Variants in ALG12 observed in about 807,000 individuals in gnomAD.
The protein encoded by ALG12 is dol-P-Man:Man(7)GlcNAc(2)-PP-Dol alpha-1,6-mannosyltransferase.
In ALG12, 36 loss-of-function variants were observed where a neutral mutation model predicts 46.0. The ratio of observed to expected loss-of-function variants is 0.78; its 90% CI spans 0.60 to 1.03. The LOEUF is 1.03. Ranked by LOEUF, ALG12 falls within the 50% of genes least tolerant of loss-of-function variation. The probability of loss-of-function intolerance (pLI) is 0.00; values close to 1 mark genes in which losing one functional copy is unlikely to be tolerated. For synonymous variants in ALG12, 326 were observed against 291.6 expected (o/e 1.12, Z -1.20); for missense variants, 599 against 633.5 (o/e 0.95, Z 0.58).
chr22:49,866,892 G>A, the ALG12 span, among the ~76,000 whole-genome samples: 2 of 152,150 alleles, frequency 1.3e-5, no homozygotes, highest in Non-Finnish European at 2.9e-5. Flanking sequence ...GGTGGCTCTC[G>A]GCAAATGCAC....
At chr22:49,878,087 C>T in the ALG12 span, among the ~76,000 whole-genome samples, 1 of 152,086 alleles carries the variant, frequency 6.6e-6, no homozygotes, top group South Asian at 2.1e-4. Context: ...GGCGGATCAC[C>T]TGAGGTCAGG....
In ALG12 at chr22:49,901,314, A is replaced by C. The variant is rs2060503907; in HGVS notation, c.*2524T>G. 6.6e-6 allele frequency: 1 copy of C among 152,256 alleles called. No homozygotes were observed. The highest frequency in any genetic ancestry group is 1.5e-5 in the Non-Finnish European group (1 of 68,052). The allele number at this position is 152,256 out of a possible 1,614,324, so 9.4% of individuals were successfully genotyped here. On this transcript the variant is annotated 3_prime_UTR_variant, in exon 10 of 10. Coordinates refer to ENST00000330817, the MANE Select transcript of ALG12 (RefSeq NM_024105.4). ...CCATCTGGCCTCTGTGGGAGTCAGGAAGTGTCTGCACAGATGTTCGCCAGA... is the reference window on the plus strand; with the variant it reads ...CCATCTGGCCTCTGTGGGAGTCAGGCAGTGTCTGCACAGATGTTCGCCAGA...
rs767048501 is a variant in ALG12, at chr22:49,909,282, A to G, written c.730T>C (p.Trp244Arg). The part of the protein sequence containing the change: ...QLTWPEGKVL[W>R]YNTVLNKSSN... ...CTTTTGTTCAGGACAGTGTTGTACC[A>G]AAGCACCTTTCCTTCCGGCCAAGTG... Residue 244 changes from tryptophan (W) to arginine (R), a missense_variant, in exon 6 of 10, where the codon TGG (tryptophan) becomes CGG (arginine). Physicochemically the swap from Trp to Arg is moderately radical, Grantham distance 101. Coordinates refer to ENST00000330817, the MANE Select transcript of ALG12 (RefSeq NM_024105.4). 1 of 1,614,246 alleles carries G rather than the reference A, an allele frequency of 6.2e-7. No individual in the cohort carries two copies. Among genetic ancestry groups the G allele is most frequent in the Non-Finnish European group, 8.5e-7 (1 of 1,180,040 alleles).
chr22:49,871,754 T>TTTA, the ALG12 span, among the ~76,000 whole-genome samples: 2 of 45,398 alleles, frequency 4.4e-5, no homozygotes, highest in Non-Finnish European at 1.3e-4. Context: ...TATTTATTTA[T>TTTA]TTATTTTTTT....
the ALG12 span, among the ~76,000 whole-genome samples, chr22:49,880,154 G>A: frequency 6.6e-6 from 1 of 152,052 alleles, no homozygotes; most frequent in South Asian, 2.1e-4. Flanking sequence ...TGTTCGGGTG[G>A]CTCCTAACAC....
the ALG12 span, among the ~76,000 whole-genome samples, chr22:49,871,223 T>C: frequency 2.6e-5 from 3 of 117,430 alleles, no homozygotes; most frequent in Non-Finnish European, 5.4e-5. Context: ...AATTCTCTTT[T>C]AAAAGTTAAT....
At chr22:49,909,444 C>T (rs749096404) in intron 5 of ALG12, 97 bp from the exon 6 acceptor site, 2 of 1,264,540 alleles carry the variant, frequency 1.6e-6, no homozygotes, top group East Asian at 2.5e-5. Flanking sequence ...CTACAAGCTG[C>T]TTTCATATAA....
chr22:49,861,221 T>G, the ALG12 span, among the ~76,000 whole-genome samples: 1 of 151,400 alleles, frequency 6.6e-6, no homozygotes, highest in African/African-American at 2.4e-5. Context: ...TGTTATGAGA[T>G]GGAGTCTCGC....
chr22:49,895,799 G>T (rs1361390912), downstream of ALG12, among the ~76,000 whole-genome samples: 1 of 152,154 alleles, frequency 6.6e-6, no homozygotes, highest in Non-Finnish European at 1.5e-5. Context: ...AACAATTAAA[G>T]AATTGCCTTC....
chr22:49,894,961 G>T, the ALG12 span, among the ~76,000 whole-genome samples: 9 of 152,352 alleles, frequency 5.9e-5, no homozygotes, highest in South Asian at 1.7e-3. Context: ...GCAGGGAGGG[G>T]AGAGTTGGAG....
chr22:49,903,547 C>A lies in ALG12; in HGVS notation c.*291G>T. The A allele has an allele frequency of 1.7e-6, 1 of 602,216 alleles. No individual in the cohort carries two copies. Among genetic ancestry groups the A allele is most frequent in the South Asian group, 1.5e-5 (1 of 65,814 alleles). The allele number at this position is 602,216 out of a possible 1,614,324, so 37.3% of individuals were successfully genotyped here. A position where few individuals can be genotyped will look rare whatever the true frequency, so the allele number is the denominator to read the frequency against. On this transcript the variant is annotated 3_prime_UTR_variant, in exon 10 of 10. Transcript: ENST00000330817. Reference sequence around the variant, plus strand: ...TGCTCCTGATTAGTCATGAATGGCACCTGGTCTGGGCGACAGTCACCCGCA... The same window carrying A: ...TGCTCCTGATTAGTCATGAATGGCAACTGGTCTGGGCGACAGTCACCCGCA...
Position 49,905,287 on chromosome 22 carries a change from C to T in ALG12, c.993-781G>A, listed in dbSNP as rs948789881. ...AAAAGCTTGCCAACCCTGGTCTAAA[C>T]GCCCTGAACCCCCGATCAAGACTCA... On this transcript the variant is annotated intron_variant, in intron 7 of 9. Coordinates refer to ENST00000330817, the MANE Select transcript of ALG12 (RefSeq NM_024105.4). The surrounding 1 kb of genome is among the most constrained non-coding windows in gnomAD (Gnocchi z 4.9). 2.0e-5 allele frequency among the ~76,000 whole-genome samples: 3 copies of T among 152,184 alleles called. No individual in the cohort carries two copies. The highest frequency in any genetic ancestry group is 1.9e-4 in the East Asian group (1 of 5,194).
the ALG12 span, among the ~76,000 whole-genome samples, chr22:49,865,639 C>T: frequency 1.3e-5 from 2 of 152,130 alleles, no homozygotes; most frequent in Non-Finnish European, 2.9e-5. Flanking sequence ...CACACCACTG[C>T]ACTCCAGTCT....
At chr22:49,895,469 T>C (rs981004520), downstream of ALG12, among the ~76,000 whole-genome samples, 6 of 152,034 alleles carry the variant, frequency 3.9e-5, no homozygotes, top group African/African-American at 1.4e-4. Context: ...CTGGCCAACG[T>C]GGTGAAACCC....
chr22:49,907,239 T>A (rs1216159876), intron 7 of ALG12, among the ~76,000 whole-genome samples: 2 of 152,168 alleles, frequency 1.3e-5, no homozygotes, highest in East Asian at 1.9e-4. Flanking sequence ...CAGGCCTGGC[T>A]GCCCCTGCCC....
At chr22:49,897,863 G>C (rs990830585), downstream of ALG12, among the ~76,000 whole-genome samples, 1 of 151,358 alleles carries the variant, frequency 6.6e-6, no homozygotes, top group Non-Finnish European at 1.5e-5. Flanking sequence ...GTTTCACCAT[G>C]TTAGCCAGGA....
At chr22:49,868,053 G>A in the ALG12 span, among the ~76,000 whole-genome samples, 3 of 152,212 alleles carry the variant, frequency 2.0e-5, no homozygotes, top group Non-Finnish European at 2.9e-5. Flanking sequence ...TCACACCATC[G>A]TAAAGTTGCA....
chr22:49,916,083 C>A (rs967148825), intron 1 of ALG12, among the ~76,000 whole-genome samples: 1 of 151,004 alleles, frequency 6.6e-6, no homozygotes, highest in African/African-American at 2.4e-5. Flanking sequence ...CATGGTAAAA[C>A]CCCGTCTCTA....
At chr22:49,898,376 ATTCTC>A (rs1440019646), downstream of ALG12, among the ~76,000 whole-genome samples, 8 of 151,414 alleles carry the variant, frequency 5.3e-5, no homozygotes, top group African/African-American at 1.9e-4. Flanking sequence ...TTGTCTTCTT[ATTCTC>A]TTGAGTGATT....
Sources: allele counts gnomAD v4.1 joint callset (sites outside exome capture counted in the v4.1 genomes callset), GRCh38; gene constraint gnomAD v4.1.1; non-coding constraint Gnocchi (gnomAD v3.1); transcripts MANE v1.5; gene names NCBI Gene and HGNC (gene_info 2026-07-23, HGNC 2026-07-21).